Variants in L3MBTL3 observed in about 807,000 individuals in gnomAD.
L3MBTL3 encodes the protein lethal(3)malignant brain tumor-like protein 3.
A neutral mutation model predicts 102.3 loss-of-function variants in L3MBTL3; 27 were observed. That is an observed-to-expected ratio of 0.26 (90% CI 0.19 to 0.36). L3MBTL3 has a LOEUF of 0.36. L3MBTL3 is among the 10% of genes least tolerant of loss of function. The pLI, the probability that L3MBTL3 is intolerant of heterozygous loss-of-function variation, is 1.00. For synonymous variants in L3MBTL3, 340 were observed against 320.9 expected (o/e 1.06, Z -0.64); for missense variants, 798 against 955.3 (o/e 0.84, Z 2.17).
At chr6:130,094,178 C>T in intron 17 of L3MBTL3, 87 bp from the exon 18 acceptor site, 4 of 966,006 alleles carry the variant, frequency 4.1e-6, no homozygotes, top group South Asian at 3.9e-5. Context: ...GAGTCTTTTT[C>T]TTCCTTATTC....
chr6:130,024,308 G>C (rs1779193657), intron 2 of L3MBTL3, among the ~76,000 whole-genome samples: 1 of 151,938 alleles, frequency 6.6e-6, no homozygotes, highest in Admixed American at 6.6e-5. Context: ...GTAAAATCTA[G>C]ATTAAAAAAA....
At chr6:130,068,469 A>C (rs1201100141) in intron 12 of L3MBTL3, 48 bp downstream of exon 12, 1 of 959,034 alleles carries the variant, frequency 1.0e-6, no homozygotes, top group Non-Finnish European at 1.7e-6. Flanking sequence ...AAGTTTTTTG[A>C]GTGTCTCATA....
chr6:130,068,356 C>A lies in L3MBTL3; in HGVS notation c.1027C>A (p.Gln343Lys). 6.2e-7 allele frequency: 1 copy of A among 1,600,564 alleles called. No individual in the cohort carries two copies. The highest frequency in any genetic ancestry group is 8.6e-7 in the Non-Finnish European group (1 of 1,167,976). The change falls in exon 12 of 23, where the codon CAG (glutamine) becomes AAG (lysine). Residue 343 changes from glutamine to lysine, a missense_variant. Transcript: ENST00000361794. ...KGYKEEEFNW[Q>K]TYLKTCKAQA... ...GTATAAAGAAGAAGAATTCAATTGGCAGACCTATCTTAAGACATGTAAAGC... is the reference window on the plus strand; with the variant it reads ...GTATAAAGAAGAAGAATTCAATTGGAAGACCTATCTTAAGACATGTAAAGC...
At position 130,104,664 on chromosome 6, in the gene L3MBTL3, A is replaced by G. The variant is rs576761299; in HGVS notation, c.1886+89A>G. On this transcript the variant is annotated intron_variant, in intron 19 of 22. Transcript: ENST00000361794. Reference sequence around the variant, plus strand: ...TTTAGATATTTTATTTCCTATAGCAATGTTTTCTTGGAGATTGTTGAAAAT... The same window carrying G: ...TTTAGATATTTTATTTCCTATAGCAGTGTTTTCTTGGAGATTGTTGAAAAT... 3.3e-5 allele frequency: 32 copies of G among 976,580 alleles called. No homozygotes were observed. In the African/African-American group the frequency reaches 3.4e-4, roughly 10 times the overall value. The allele number at this position is 976,580 out of a possible 1,614,324, so 60.5% of individuals were successfully genotyped here.
intron 10 of L3MBTL3, among the ~76,000 whole-genome samples, chr6:130,062,076 A>G (rs1245390279): frequency 2.0e-5 from 3 of 152,114 alleles, no homozygotes; most frequent in Non-Finnish European, 4.4e-5. Flanking sequence ...GCTATAGAAG[A>G]GAAAGGGAAT....
At chr6:130,048,581 C>T (rs1216038449) in intron 3 of L3MBTL3, among the ~76,000 whole-genome samples, 1 of 152,154 alleles carries the variant, frequency 6.6e-6, no homozygotes, top group Admixed American at 6.5e-5. Context: ...GATGCTGTTG[C>T]TTTTTAGTGA....
intron 19 of L3MBTL3, among the ~76,000 whole-genome samples, chr6:130,116,455 T>C (rs997289662): frequency 1.3e-5 from 2 of 152,148 alleles, no homozygotes; most frequent in Non-Finnish European, 2.9e-5. Context: ...GCTGGGCTGC[T>C]TCCTCCATGT....
At chr6:130,050,354 G>T (rs532667549) in intron 5 of L3MBTL3, among the ~76,000 whole-genome samples, 1 of 152,174 alleles carries the variant, frequency 6.6e-6, no homozygotes, top group Non-Finnish European at 1.5e-5. Context: ...ACAGAATTAC[G>T]TGTAATTTTC....
At chr6:130,108,231 G>GT (rs869221525) in intron 19 of L3MBTL3, among the ~76,000 whole-genome samples, 5,610 of 91,066 alleles carry the variant, frequency 0.062, 532 homozygotes, top group Non-Finnish European at 0.097. Flanking sequence ...TTTTTTTTTT[G>GT]TTTTTTTTTT....
At chr6:130,029,957 G>T (rs1183757307) in intron 2 of L3MBTL3, among the ~76,000 whole-genome samples, 1 of 152,118 alleles carries the variant, frequency 6.6e-6, no homozygotes, top group Non-Finnish European at 1.5e-5. Context: ...TGGAGTAGCT[G>T]GGACTAGAGG....
chr6:130,036,861 G>C (rs1161204670), intron 2 of L3MBTL3, among the ~76,000 whole-genome samples: 2 of 152,126 alleles, frequency 1.3e-5, no homozygotes, highest in African/African-American at 4.8e-5. Context: ...GATTTTGCCA[G>C]ATTTTCGGAG....
At chr6:130,119,589 C>G (rs1673706480) in intron 19 of L3MBTL3, among the ~76,000 whole-genome samples, 1 of 152,084 alleles carries the variant, frequency 6.6e-6, no homozygotes, top group South Asian at 2.1e-4. Flanking sequence ...ATAAGAGACC[C>G]TGTTGCCATT....
At chr6:130,046,023 A>T (rs1780702724) in intron 3 of L3MBTL3, among the ~76,000 whole-genome samples, 1 of 152,224 alleles carries the variant, frequency 6.6e-6, no homozygotes, top group Non-Finnish European at 1.5e-5. Context: ...CAGCTGTAAG[A>T]ACAGGGAGGT....
chr6:130,052,808 G>A (rs776708031), intron 6 of L3MBTL3, 51 bp from the exon 7 acceptor site: 2 of 1,552,678 alleles, frequency 1.3e-6, no homozygotes, highest in South Asian at 2.5e-5. Context: ...ACAAGTAGAT[G>A]TTTGATAGGT....
At chr6:130,110,690 C>G (rs1785294268) in intron 19 of L3MBTL3, among the ~76,000 whole-genome samples, 1 of 152,194 alleles carries the variant, frequency 6.6e-6, no homozygotes, top group South Asian at 2.1e-4. Context: ...TTATTTCTTT[C>G]TCTTGCCTGA....
intron 6 of L3MBTL3, among the ~76,000 whole-genome samples, chr6:130,052,319 A>T (rs966197940): frequency 6.6e-6 from 1 of 152,060 alleles, no homozygotes; most frequent in African/African-American, 2.4e-5. Flanking sequence ...GTTAGCCAGG[A>T]TGGTCTCAAT....
intron 14 of L3MBTL3, 24 bp downstream of exon 14, chr6:130,078,658 A>G: frequency 6.8e-7 from 1 of 1,471,088 alleles, no homozygotes; most frequent in South Asian, 1.2e-5. Flanking sequence ...TAATGTGGCT[A>G]ATACTATTCG....
chr6:130,117,704 G>GT (rs1487293992), intron 19 of L3MBTL3, among the ~76,000 whole-genome samples: 9 of 151,940 alleles, frequency 5.9e-5, no homozygotes, highest in African/African-American at 2.2e-4. Context: ...AATTTTTCTT[G>GT]TTTTTTTCTT....
intron 10 of L3MBTL3, among the ~76,000 whole-genome samples, chr6:130,065,359 C>T (rs1782177618): frequency 6.6e-6 from 1 of 152,064 alleles, no homozygotes; most frequent in Non-Finnish European, 1.5e-5. Context: ...ACACATAATA[C>T]ACATATGTAT....
Sources: gnomAD v4.1 joint callset for allele counts (sites outside exome capture counted in the v4.1 genomes callset) on GRCh38, gnomAD v4.1.1 for gene constraint, MANE v1.5 for transcripts, NCBI Gene and HGNC (gene_info 2026-07-23, HGNC 2026-07-21) for gene names.